ZNG1C: variants seen among roughly 807,000 people sequenced by gnomAD.
The protein encoded by ZNG1C is zinc-regulated GTPase metalloprotein activator 1C.
the ZNG1C span, chr9:68,297,581 GTA>G: frequency 1.7e-6 from 1 of 597,274 alleles, no homozygotes; most frequent in Non-Finnish European, 2.5e-6. Flanking sequence ...GATTTACAGA[GTA>G]TTGTTACAAT....
chr9:68,264,851 A>ATATATATG, the ZNG1C span, among the ~76,000 whole-genome samples: 1 of 84,442 alleles, frequency 1.2e-5, no homozygotes, highest in African/African-American at 4.5e-5. Context: ...ATATATATAT[A>ATATATATG]TATATGTATA....
At chr9:68,297,875 CTA>C in the ZNG1C span, 6 of 117,886 alleles carry the variant, frequency 5.1e-5, no homozygotes, top group South Asian at 2.4e-4. Flanking sequence ...GTTATAAAAA[CTA>C]TATTTGGTTT....
At chr9:68,279,676 C>A in the ZNG1C span, among the ~76,000 whole-genome samples, 1 of 71,464 alleles carries the variant, frequency 1.4e-5, no homozygotes, top group Non-Finnish European at 3.1e-5. Context: ...CCAAGAGATC[C>A]GCTGTTAGTC....
the ZNG1C span, among the ~76,000 whole-genome samples, chr9:68,288,440 T>C: frequency 1.3e-5 from 2 of 152,250 alleles, no homozygotes; most frequent in Non-Finnish European, 2.9e-5. Context: ...TACAATTCAA[T>C]GTTTGGGTTT....
the ZNG1C span, among the ~76,000 whole-genome samples, chr9:68,291,722 C>T: frequency 6.6e-6 from 1 of 150,832 alleles, no homozygotes. Flanking sequence ...AGCAAGAAAG[C>T]ACTTTTCCGC....
chr9:68,276,534 T>A, the ZNG1C span, among the ~76,000 whole-genome samples: 1 of 149,358 alleles, frequency 6.7e-6, no homozygotes, highest in Non-Finnish European at 1.5e-5. Flanking sequence ...GCTAGCCGGT[T>A]TTCCCAGCAC....
chr9:68,260,112 G>C, the ZNG1C span, among the ~76,000 whole-genome samples: 6 of 150,688 alleles, frequency 4.0e-5, no homozygotes, highest in African/African-American at 1.5e-4. Context: ...CTTGCAAAAT[G>C]CTTATGGAGG....
At chr9:68,268,550 AG>A in the ZNG1C span, among the ~76,000 whole-genome samples, 3 of 152,014 alleles carry the variant, frequency 2.0e-5, no homozygotes, top group Non-Finnish European at 2.9e-5. Flanking sequence ...TGTATGCCTG[AG>A]GAAAAAAGTG....
At chr9:68,257,966 T>C in the ZNG1C span, among the ~76,000 whole-genome samples, 1 of 138,974 alleles carries the variant, frequency 7.2e-6, no homozygotes, top group African/African-American at 2.8e-5. Context: ...TCTTTTGTTA[T>C]CAGCATATAT....
At chr9:68,298,916 A>G in the ZNG1C span, 1 of 760,244 alleles carries the variant, frequency 1.3e-6, no homozygotes, top group Non-Finnish European at 2.1e-6. Flanking sequence ...TCTGCTTTTA[A>G]GTTTGAACTG....
At chr9:68,253,624 GT>G in the ZNG1C span, 4 of 129,836 alleles carry the variant, frequency 3.1e-5, no homozygotes, top group Non-Finnish European at 6.6e-5. Context: ...TTTGTCCAAT[GT>G]TTTCTCCTTT....
chr9:68,269,525 G>A, the ZNG1C span: 1 of 785,538 alleles, frequency 1.3e-6, no homozygotes, highest in Non-Finnish European at 1.4e-6. Flanking sequence ...GAAAATTTCT[G>A]TGCAGGGTTA....
chr9:68,296,124 ACTC>A, the ZNG1C span, among the ~76,000 whole-genome samples: 7 of 149,492 alleles, frequency 4.7e-5, no homozygotes, highest in African/African-American at 1.5e-4. Flanking sequence ...ACAATGGAAT[ACTC>A]CTCAGCCATA....
the ZNG1C span, among the ~76,000 whole-genome samples, chr9:68,284,360 AT>A: frequency 2.1e-5 from 2 of 96,834 alleles, no homozygotes; most frequent in East Asian, 5.4e-4. Context: ...TTGAAGTTTT[AT>A]TTTTTCCCTT....
the ZNG1C span, among the ~76,000 whole-genome samples, chr9:68,281,171 G>A: frequency 1.3e-5 from 2 of 151,756 alleles, no homozygotes; most frequent in Non-Finnish European, 2.9e-5. Context: ...TCCCAAGTGA[G>A]ACAATGCCTC....
chr9:68,288,416 G>A, the ZNG1C span, among the ~76,000 whole-genome samples: 6 of 152,394 alleles, frequency 3.9e-5, no homozygotes, highest in African/African-American at 7.2e-5. Flanking sequence ...GCATGCAAAT[G>A]TGTAATTTTA....
the ZNG1C span, chr9:68,269,127 C>G: frequency 4.1e-5 from 48 of 1,166,310 alleles, 1 homozygote; most frequent in Middle Eastern, 8.9e-4. Context: ...GTTTGGAATG[C>G]TCTTAATAAG....
the ZNG1C span, among the ~76,000 whole-genome samples, chr9:68,283,462 C>T: frequency 1.3e-4 from 12 of 92,430 alleles, no homozygotes; most frequent in East Asian, 5.4e-4. Flanking sequence ...ACTATCAGTG[C>T]TGTTTCACTA....
chr9:68,264,833 ATATATATATATATATATATATATG>A, the ZNG1C span, among the ~76,000 whole-genome samples: 1 of 69,456 alleles, frequency 1.4e-5, no homozygotes, highest in African/African-American at 5.7e-5. Context: ...ATATATATAT[ATATATATATATATATATATATATG>A]TATAATAATA....
Sources: allele counts gnomAD v4.1 joint callset (sites outside exome capture counted in the v4.1 genomes callset), GRCh38; gene constraint gnomAD v4.1.1; transcripts MANE v1.5; gene names NCBI Gene and HGNC (gene_info 2026-07-23, HGNC 2026-07-21).